The following SGCZ variants were observed in gnomAD, a reference collection of about 807,000 sequenced individuals.
SGCZ encodes zeta-sarcoglycan.
SGCZ carries 40 observed loss-of-function variants against 41.3 expected under a neutral mutation model. The ratio of observed to expected loss-of-function variants is 0.97; its 90% CI spans 0.75 to 1.26. SGCZ has a LOEUF of 1.26. Ranked by LOEUF, SGCZ falls within the 50% of genes most tolerant of loss-of-function variation. SGCZ has a pLI of 0.00. For synonymous variants in SGCZ, 206 were observed against 137.5 expected (o/e 1.50, Z -3.49); for missense variants, 552 against 369.8 (o/e 1.49, Z -4.04).
intron 1 of SGCZ, among the ~76,000 whole-genome samples, chr8:14,592,190 A>C (rs182746638): frequency 6.6e-6 from 1 of 152,150 alleles, no homozygotes; most frequent in Non-Finnish European, 1.5e-5. Flanking sequence ...CAGACTACAC[A>C]TTATCTCCAG....
intron 2 of SGCZ, among the ~76,000 whole-genome samples, chr8:14,471,445 TTA>T (rs1448121161): frequency 6.6e-6 from 1 of 152,012 alleles, no homozygotes; most frequent in African/African-American, 2.4e-5. Context: ...ATGATATATT[TTA>T]TATATATATG....
chr8:15,045,379 A>G (rs1285719634), intron 1 of SGCZ, among the ~76,000 whole-genome samples: 1 of 152,082 alleles, frequency 6.6e-6, no homozygotes, highest in Non-Finnish European at 1.5e-5. Context: ...TTAAAATAAT[A>G]TTTTATAGAC....
intron 1 of SGCZ, among the ~76,000 whole-genome samples, chr8:14,935,999 G>A (rs976566999): frequency 4.6e-5 from 7 of 151,854 alleles, no homozygotes; most frequent in East Asian, 3.9e-4. Context: ...ATTTCCATGC[G>A]ATTAAATGAT....
At chr8:14,501,938 C>T (rs2126324) in intron 2 of SGCZ, among the ~76,000 whole-genome samples, 38,998 of 151,774 alleles carry the variant, frequency 0.26, 5,035 homozygotes, top group Admixed American at 0.29. Context: ...ATAAAAATTA[C>T]GCTTAGAAAA....
intron 2 of SGCZ, among the ~76,000 whole-genome samples, chr8:14,418,435 G>A (rs919477185): frequency 6.6e-6 from 1 of 151,850 alleles, no homozygotes; most frequent in African/African-American, 2.4e-5. Flanking sequence ...ACGGACTTCT[G>A]GTAGTATGAT....
chr8:14,266,117 A>T (rs1477114217), intron 3 of SGCZ, among the ~76,000 whole-genome samples: 1 of 152,164 alleles, frequency 6.6e-6, no homozygotes, highest in African/African-American at 2.4e-5. Flanking sequence ...ATCCGAGGAC[A>T]TAAAGATCAA....
intron 2 of SGCZ, among the ~76,000 whole-genome samples, chr8:14,493,366 T>TC (rs1179216566): frequency 3.7e-5 from 4 of 107,676 alleles, no homozygotes; most frequent in African/African-American, 1.6e-4. Context: ...TTTCTTTTTT[T>TC]TTTTTTTTTT....
chr8:15,217,412 G>A lies in SGCZ; in HGVS notation c.39+20173C>T, dbSNP rs565610558. Among the ~76,000 whole-genome samples the A allele has an allele frequency of 9.1e-3, 723 of 79,766 alleles. 4 individuals carry two copies. The highest frequency in any genetic ancestry group is 0.016 in the Non-Finnish European group (545 of 34,004). The allele number at this position is 79,766 out of a possible 152,430, so 52.3% of individuals were successfully genotyped here. ...AACCTGGGAGACACAGCGAGACTCC[G>A]TCTCAAAAAAAAAAAAAAAGAATTG... On this transcript the variant is annotated intron_variant, in intron 1 of 7. Transcript: ENST00000382080.
At chr8:14,997,508 A>G (rs1430813906) in intron 1 of SGCZ, among the ~76,000 whole-genome samples, 1 of 152,216 alleles carries the variant, frequency 6.6e-6, no homozygotes, top group African/African-American at 2.4e-5. Context: ...ATTATGGCAA[A>G]ATTTATGCAA....
At chr8:14,601,534 T>C (rs73192402) in intron 1 of SGCZ, among the ~76,000 whole-genome samples, 8,029 of 152,302 alleles carry the variant, frequency 0.053, 249 homozygotes, top group South Asian at 0.14. Context: ...GTGTTTTATA[T>C]GTTCGGAGAC....
At chr8:15,210,635 C>T (rs938118613) in intron 1 of SGCZ, among the ~76,000 whole-genome samples, 6 of 152,170 alleles carry the variant, frequency 3.9e-5, no homozygotes, top group South Asian at 4.1e-4. Flanking sequence ...TCCTGAATGA[C>T]TTAAATACCT....
chr8:14,732,787 G>A (rs769750700), intron 1 of SGCZ, among the ~76,000 whole-genome samples: 22 of 151,970 alleles, frequency 1.4e-4, no homozygotes, highest in Middle Eastern at 3.4e-3. Flanking sequence ...ACTACGACCC[G>A]CTTGAAACTG....
At position 14,407,793 on chromosome 8, in the gene SGCZ, G is replaced by C. The variant is rs149570608; in HGVS notation, c.235-83589C>G. On this transcript the variant is annotated intron_variant, in intron 2 of 7. Transcript: ENST00000382080. ...CTATGCATGTATTTCCCTAGGTCAA[G>C]CAGAGACTTTCAAATGATGACCTTA... 5.5e-3 allele frequency among the ~76,000 whole-genome samples: 842 copies of C among 152,202 alleles called. 5 individuals are homozygous for C. The highest frequency in any genetic ancestry group is 0.017 in the South Asian group (80 of 4,826).
chr8:14,439,310 A>AATATATATATATATATATATATATATAT (rs57569373), intron 2 of SGCZ, among the ~76,000 whole-genome samples: 188 of 142,554 alleles, frequency 1.3e-3, no homozygotes, highest in East Asian at 5.2e-3. Context: ...AGAAGAAAGA[A>AATATATATATATATATATATATATATAT]ATATATATAT....
chr8:14,496,379 T>A (rs1801989128), intron 2 of SGCZ, among the ~76,000 whole-genome samples: 2 of 152,154 alleles, frequency 1.3e-5, no homozygotes, highest in African/African-American at 4.8e-5. Flanking sequence ...TCCTCTAGCA[T>A]TTAGATGCTA....
chr8:14,653,057 G>C (rs538311629), intron 1 of SGCZ, among the ~76,000 whole-genome samples: 3 of 152,050 alleles, frequency 2.0e-5, no homozygotes, highest in South Asian at 4.2e-4. Flanking sequence ...AAAAGCACTA[G>C]AAAACATAAA....
At chr8:14,884,480 G>C (rs550318875) in intron 1 of SGCZ, among the ~76,000 whole-genome samples, 1 of 151,962 alleles carries the variant, frequency 6.6e-6, no homozygotes, top group East Asian at 1.9e-4. Flanking sequence ...TTCTTGGTGG[G>C]TAGATGGTAA....
At chr8:14,101,652 T>A (rs1802024783) in intron 7 of SGCZ, among the ~76,000 whole-genome samples, 1 of 119,440 alleles carries the variant, frequency 8.4e-6, no homozygotes, top group African/African-American at 2.5e-5. Flanking sequence ...TTCCAGGAAA[T>A]ATCATTCCTA....
chr8:14,899,524 A>G (rs1798889555), intron 1 of SGCZ, among the ~76,000 whole-genome samples: 1 of 152,182 alleles, frequency 6.6e-6, no homozygotes. Context: ...TCAACAGACT[A>G]GGGAGGTTTG....
Sources: gnomAD v4.1 joint callset for allele counts (sites outside exome capture counted in the v4.1 genomes callset) on GRCh38, gnomAD v4.1.1 for gene constraint, MANE v1.5 for transcripts, NCBI Gene and HGNC (gene_info 2026-07-23, HGNC 2026-07-21) for gene names.